Variants in ARSF observed in about 807,000 individuals in gnomAD.
ARSF encodes arylsulfatase F.
Under a neutral mutation model 35.4 loss-of-function variants are expected in ARSF, and 33 were observed. The ratio of observed to expected loss-of-function variants is 0.93; its 90% CI spans 0.71 to 1.25. ARSF has a LOEUF of 1.25. Ranked by LOEUF, ARSF falls within the 50% of genes most tolerant of loss-of-function variation. The probability of loss-of-function intolerance (pLI) is 0.00; values close to 1 mark genes in which losing one functional copy is unlikely to be tolerated. For missense variants in ARSF, 501 were observed against 480.2 expected (o/e 1.04, Z -0.40); for synonymous variants, 222 against 193.1 (o/e 1.15, Z -1.24).
intron 7 of ARSF, among the ~76,000 whole-genome samples, chrX:3,093,604 G>T (rs2090317311): frequency 8.9e-6 from 1 of 111,916 alleles, no homozygotes; most frequent in Non-Finnish European, 1.9e-5. Context: ...CTTTTTTATG[G>T]CTGTGTAGTA....
intron 3 of ARSF, among the ~76,000 whole-genome samples, chrX:3,075,169 G>T (rs139865148): frequency 3.2e-4 from 36 of 111,592 alleles, no homozygotes; most frequent in Non-Finnish European, 6.0e-4. Context: ...CGATGAATCA[G>T]ACCCCAATCC....
At position 3,110,181 on chromosome X, in the gene ARSF, C is replaced by T. The variant is rs183423092; in HGVS notation, c.1319C>T (p.Ser440Leu). The T allele has an allele frequency of 3.3e-6, 4 of 1,202,900 alleles. No homozygotes were observed. The African/African-American group carries it at 5.2e-5, about 16-fold the overall frequency. ...TTGCTGCAGGGCAACGTCAGGCACT[C>T]GGAGCATGAATTTCTTTTCCACTAC... ...MPLLQGNVRH[S>L]EHEFLFHYCG... The change falls in exon 10 of 11, where the codon TCG (serine) becomes TTG (leucine). Residue 440 changes from serine (S) to leucine (L), a missense_variant. Coordinates refer to ENST00000381127, the MANE Select transcript of ARSF (RefSeq NM_001201539.2).
At chrX:3,106,295 G>C (rs2090410794) in intron 9 of ARSF, among the ~76,000 whole-genome samples, 1 of 112,080 alleles carries the variant, frequency 8.9e-6, no homozygotes, top group Admixed American at 9.5e-5. Context: ...GGCGTGCCGG[G>C]TACTACTCAT....
At chrX:3,096,259 C>A (rs977914921) in intron 7 of ARSF, among the ~76,000 whole-genome samples, 1 of 110,291 alleles carries the variant, frequency 9.1e-6, no homozygotes, top group Non-Finnish European at 1.9e-5. Flanking sequence ...TAATGCATTT[C>A]AAGATACAAT....
chrX:3,110,803 C>T (rs377549856), intron 10 of ARSF, among the ~76,000 whole-genome samples: 6 of 111,614 alleles, frequency 5.4e-5, no homozygotes, highest in South Asian at 3.8e-4. Context: ...GAGGCTGAGG[C>T]GGTAGAATCA....
chrX:3,054,989 C>T (rs1203424293), intron 1 of ARSF, among the ~76,000 whole-genome samples: 1 of 108,159 alleles, frequency 9.2e-6, no homozygotes. Flanking sequence ...CCACTTCAGC[C>T]TCCCAAAAGT....
At chrX:3,044,279 T>C (rs1166683792) in intron 1 of ARSF, among the ~76,000 whole-genome samples, 1 of 112,429 alleles carries the variant, frequency 8.9e-6, no homozygotes, top group African/African-American at 3.2e-5. Context: ...TTCAAAATCC[T>C]GTCCAGTGGT....
intron 2 of ARSF, among the ~76,000 whole-genome samples, chrX:3,070,917 T>TA (rs199950844): frequency 0.02 from 2,131 of 107,331 alleles, 24 homozygotes; most frequent in Middle Eastern, 0.065. Flanking sequence ...TGTTCCTTTT[T>TA]ATGGCTGAGT....
intron 7 of ARSF, among the ~76,000 whole-genome samples, chrX:3,090,538 T>C (rs761191169): frequency 1.8e-5 from 2 of 111,695 alleles, no homozygotes; most frequent in Non-Finnish European, 3.8e-5. Context: ...TGTGGTGGCA[T>C]GTGCCTGTAG....
intron 4 of ARSF, 88 bp from the exon 5 acceptor site, chrX:3,080,803 G>A (rs2090195391): frequency 1.8e-6 from 2 of 1,095,480 alleles, no homozygotes; most frequent in Middle Eastern, 2.5e-4. Context: ...TTGCAGATGA[G>A]GATTTCAATG....
chrX:3,077,789 T>TTTATTTATTATTATTATTATTA (rs1555919571), intron 4 of ARSF, among the ~76,000 whole-genome samples: 1 of 92,225 alleles, frequency 1.1e-5, no homozygotes, highest in Non-Finnish European at 2.1e-5. Flanking sequence ...TTTTATTTTA[T>TTTATTTATTATTATTATTATTA]TTATTATTAT....
intron 7 of ARSF, among the ~76,000 whole-genome samples, chrX:3,098,914 A>C (rs1044723508): frequency 9.1e-6 from 1 of 109,424 alleles, no homozygotes; most frequent in Non-Finnish European, 1.9e-5. Context: ...GCTACTTTTC[A>C]CTATTTACTG....
At chrX:3,072,392 CTT>C (rs1376348620) in intron 3 of ARSF, among the ~76,000 whole-genome samples, 2 of 111,681 alleles carry the variant, frequency 1.8e-5, no homozygotes, top group African/African-American at 3.3e-5. Context: ...AGTTTTTAAA[CTT>C]AAGAAATAAT....
intron 4 of ARSF, among the ~76,000 whole-genome samples, chrX:3,079,852 G>A (rs751030640): frequency 4.7e-5 from 5 of 105,992 alleles, no homozygotes; most frequent in East Asian, 3.0e-4. Context: ...CCAGCTACTC[G>A]GGAGGCTGAG....
At chrX:3,085,371 A>ATG (rs1450124104) in intron 6 of ARSF, among the ~76,000 whole-genome samples, 1 of 106,772 alleles carries the variant, frequency 9.4e-6, no homozygotes, top group African/African-American at 3.4e-5. Context: ...ATATATATAT[A>ATG]TATCTGGAAA....
chrX:3,099,885 A>T (rs916909724), intron 7 of ARSF, among the ~76,000 whole-genome samples: 3 of 111,727 alleles, frequency 2.7e-5, no homozygotes, highest in Non-Finnish European at 5.6e-5. Flanking sequence ...ACTTGCCCTT[A>T]CTTGTGTGCC....
chrX:3,055,923 G>A, intron 1 of ARSF, among the ~76,000 whole-genome samples: 1 of 111,075 alleles, frequency 9.0e-6, no homozygotes, highest in Admixed American at 9.7e-5. Flanking sequence ...AAGAAATGCG[G>A]CATCATTCTT....
intron 7 of ARSF, among the ~76,000 whole-genome samples, chrX:3,091,616 C>T (rs887083104): frequency 6.3e-5 from 7 of 111,818 alleles, no homozygotes; most frequent in Non-Finnish European, 1.3e-4. Flanking sequence ...GTCTTAAACA[C>T]ATAAAAAATA....
intron 7 of ARSF, among the ~76,000 whole-genome samples, chrX:3,093,709 G>A (rs180705922): frequency 0.053 from 5,894 of 111,430 alleles, 153 homozygotes; most frequent in Admixed American, 0.1. Flanking sequence ...GCAAGTGCCT[G>A]TGTCTATTTG....
Sources: allele counts gnomAD v4.1 joint callset (sites outside exome capture counted in the v4.1 genomes callset), GRCh38; gene constraint gnomAD v4.1.1; transcripts MANE v1.5; gene names NCBI Gene and HGNC (gene_info 2026-07-23, HGNC 2026-07-21).